The following NKAIN2 variants were observed in gnomAD, a reference collection of about 807,000 sequenced individuals.
NKAIN2 encodes the protein sodium/potassium transporting ATPase interacting 2, also known as sodium/potassium-transporting ATPase subunit beta-1-interacting protein 2.
A neutral mutation model predicts 32.6 loss-of-function variants in NKAIN2; 14 were observed. The observed-to-expected ratio is 0.43, with a 90% CI of 0.28 to 0.67. The LOEUF (loss-of-function observed/expected upper bound fraction) is 0.67. Among genes scored for constraint, NKAIN2 ranks in the 30% least tolerant of loss-of-function variants. NKAIN2 has a pLI of 0.17. For missense variants in NKAIN2, 198 were observed against 258.3 expected, an observed-to-expected ratio of 0.77 and a Z score of 1.60; for synonymous variants, 80 against 87.2, an observed-to-expected ratio of 0.92 and a Z score of 0.46.
At chr6:124,146,386 A>G (rs1334622955) in intron 1 of NKAIN2, among the ~76,000 whole-genome samples, 1 of 152,204 alleles carries the variant, frequency 6.6e-6, no homozygotes, top group Non-Finnish European at 1.5e-5. Context: ...CAGATTGTCA[A>G]GCATTAAAAA....
intron 3 of NKAIN2, among the ~76,000 whole-genome samples, chr6:124,364,250 A>AAAAAGACAG (rs3054409): frequency 4.2e-4 from 59 of 139,750 alleles, no homozygotes; most frequent in Admixed American, 1.2e-3. Context: ...AAAAAAAAAA[A>AAAAAGACAG]AGAGAGAAAA....
intron 3 of NKAIN2, among the ~76,000 whole-genome samples, chr6:124,579,671 G>T (rs566427557): frequency 2.6e-5 from 4 of 152,282 alleles, no homozygotes; most frequent in South Asian, 4.1e-4. Flanking sequence ...TTCCTCAAAT[G>T]ATAATAACAG....
In NKAIN2 at chr6:124,282,957, G is replaced by C. The variant is rs551777341; in HGVS notation, c.55-48G>C. 1.7e-5 allele frequency: 27 copies of C among 1,572,294 alleles called. No individual in the cohort carries two copies. The South Asian group carries it at 2.9e-4, about 17-fold the overall frequency. On this transcript the variant is annotated intron_variant, in intron 1 of 6. Coordinates refer to ENST00000368417, the MANE Select transcript of NKAIN2 (RefSeq NM_001040214.3). ...TTTATCCTTTTTTCCTCTCACCACT[G>C]TGCTGTTTCTCACATGCTGATCTGT...
intron 5 of NKAIN2, among the ~76,000 whole-genome samples, chr6:124,805,781 G>C (rs1314442724): frequency 6.6e-6 from 1 of 152,228 alleles, no homozygotes; most frequent in Non-Finnish European, 1.5e-5. Context: ...AACCAATACA[G>C]AGAAGTGCTT....
intron 1 of NKAIN2, among the ~76,000 whole-genome samples, chr6:124,189,241 A>G (rs1789897036): frequency 6.6e-6 from 1 of 152,194 alleles, no homozygotes; most frequent in Non-Finnish European, 1.5e-5. Flanking sequence ...TGTGCTGTGA[A>G]AAGTAAGAAT....
At chr6:124,409,294 A>T in intron 3 of NKAIN2, among the ~76,000 whole-genome samples, 1 of 152,106 alleles carries the variant, frequency 6.6e-6, no homozygotes, top group East Asian at 1.9e-4. Context: ...GAATGCTTCC[A>T]GTTTTTGCCC....
rs191140917 is a variant in NKAIN2, at chr6:124,724,314, G to A, written c.474+65928G>A. The stretch of plus-strand genomic sequence containing the variant: ...AACTTGTCCATCATGGCTTAACCAT[G>A]GTAGGTGCCAAGTCAATGCAGAAAA... On this transcript the variant is annotated intron_variant, in intron 4 of 6. Transcript: ENST00000368417. 2.4e-3 allele frequency among the ~76,000 whole-genome samples: 357 copies of A among 151,900 alleles called. 1 individual carries two copies. The highest frequency in any genetic ancestry group is 3.6e-3 in the Non-Finnish European group (248 of 67,974).
At chr6:123,973,753 A>G (rs1778436477) in intron 1 of NKAIN2, among the ~76,000 whole-genome samples, 1 of 152,078 alleles carries the variant, frequency 6.6e-6, no homozygotes, top group African/African-American at 2.4e-5. Context: ...TTCACCATGT[A>G]TATGAATCCA....
At position 124,529,025 on chromosome 6, in the gene NKAIN2, G is replaced by A. The variant is rs547506335; in HGVS notation, c.274-129161G>A. ...CATATCCCCCTCTATACTAAAACAT[G>A]TGGCTTGAGGCATGTTTCAATATAA... On this transcript the variant is annotated intron_variant, in intron 3 of 6. Transcript: ENST00000368417. Among the ~76,000 whole-genome samples the A allele has an allele frequency of 7.9e-5, 12 of 152,258 alleles. No homozygotes were observed. In the East Asian group the frequency reaches 2.1e-3, roughly 27 times the overall value.
chr6:124,612,757 C>A lies in NKAIN2; in HGVS notation c.274-45429C>A, dbSNP rs191724467. ...AAGAATCCTAGGAAAGATATAATCA[C>A]AATACCCAAAACTAAGTAGAAATCT... is the stretch of plus-strand genomic sequence containing the variant. On this transcript the variant is annotated intron_variant, in intron 3 of 6. Transcript: ENST00000368417. Among the ~76,000 whole-genome samples the A allele has an allele frequency of 1.1e-4, 16 of 152,278 alleles. No individual in the cohort carries two copies. In the East Asian group the frequency reaches 3.1e-3, roughly 29 times the overall value.
Position 124,194,463 on chromosome 6 carries a change from T to C in NKAIN2, c.55-88542T>C, listed in dbSNP as rs115226330. ...TATCTACTCTGGCAATATTTTTTAATTGGAATGTTGATACATTTATATTTA... is the reference window on the plus strand; with the variant it reads ...TATCTACTCTGGCAATATTTTTTAACTGGAATGTTGATACATTTATATTTA... On this transcript the variant is annotated intron_variant, in intron 1 of 6. Transcript: ENST00000368417. Among the ~76,000 whole-genome samples the C allele has an allele frequency of 5.1e-3, 776 of 152,296 alleles. 7 individuals are homozygous for C. Among genetic ancestry groups the C allele is most frequent in the African/African-American group, 0.018 (742 of 41,584 alleles).
intron 4 of NKAIN2, among the ~76,000 whole-genome samples, chr6:124,685,228 A>G (rs1309244482): frequency 6.6e-6 from 1 of 152,212 alleles, no homozygotes; most frequent in Non-Finnish European, 1.5e-5. Flanking sequence ...AGGTCACTAT[A>G]GAAAATGGAG....
At chr6:124,673,220 G>A (rs1421285260) in intron 4 of NKAIN2, among the ~76,000 whole-genome samples, 3 of 151,960 alleles carry the variant, frequency 2.0e-5, no homozygotes, top group South Asian at 2.1e-4. Context: ...ATAATAGGAT[G>A]TTCTTCTTTT....
At chr6:124,515,063 T>C (rs1046656360) in intron 3 of NKAIN2, among the ~76,000 whole-genome samples, 1 of 152,178 alleles carries the variant, frequency 6.6e-6, no homozygotes, top group Non-Finnish European at 1.5e-5. Context: ...TAAAGAATCT[T>C]CCTAAATAAT....
At chr6:124,276,416 G>C (rs1019020479) in intron 1 of NKAIN2, among the ~76,000 whole-genome samples, 3 of 151,614 alleles carry the variant, frequency 2.0e-5, no homozygotes, top group African/African-American at 7.3e-5. Flanking sequence ...TTTAAGTAAA[G>C]CTCTGTGGTT....
At chr6:124,631,723 C>G (rs1309786648) in intron 3 of NKAIN2, among the ~76,000 whole-genome samples, 3 of 152,168 alleles carry the variant, frequency 2.0e-5, no homozygotes, top group Non-Finnish European at 2.9e-5. Flanking sequence ...TCTGATCCCT[C>G]AGACTTTTGA....
chr6:124,760,687 T>C (rs951693165), intron 4 of NKAIN2, among the ~76,000 whole-genome samples: 6 of 152,072 alleles, frequency 3.9e-5, no homozygotes, highest in Non-Finnish European at 2.9e-5. Context: ...GAATGATGTC[T>C]TAAATATTAG....
chr6:124,598,906 G>C (rs1443367063), intron 3 of NKAIN2, among the ~76,000 whole-genome samples: 1 of 151,804 alleles, frequency 6.6e-6, no homozygotes, highest in Admixed American at 6.6e-5. Context: ...TTCTATCTTA[G>C]AGCCCCTACC....
intron 3 of NKAIN2, among the ~76,000 whole-genome samples, chr6:124,490,132 C>G (rs1777803364): frequency 6.6e-6 from 1 of 151,746 alleles, no homozygotes; most frequent in Non-Finnish European, 1.5e-5. Context: ...AAACCTTGAC[C>G]TTATTCAGTA....
Sources: gnomAD v4.1 joint callset for allele counts (sites outside exome capture counted in the v4.1 genomes callset) on GRCh38, gnomAD v4.1.1 for gene constraint, MANE v1.5 for transcripts, NCBI Gene and HGNC (gene_info 2026-07-23, HGNC 2026-07-21) for gene names.